HHAT: variants seen among roughly 807,000 people sequenced by gnomAD.
HHAT encodes hedgehog acyltransferase.
HHAT carries 47 observed loss-of-function variants against 70.8 expected under a neutral mutation model. The observed-to-expected ratio is 0.66, with a 90% CI of 0.53 to 0.85. HHAT has a LOEUF of 0.85. Among genes scored for constraint, HHAT ranks in the 40% least tolerant of loss-of-function variants. HHAT has a pLI of 0.00. For synonymous variants in HHAT, 228 were observed against 247.6 expected (o/e 0.92, Z 0.74); for missense variants, 609 against 604.8 (o/e 1.01, Z -0.07).
chr1:210,668,963 A>G (rs1574126346), intron 11 of HHAT, among the ~76,000 whole-genome samples: 1 of 151,960 alleles, frequency 6.6e-6, no homozygotes, highest in South Asian at 2.1e-4. Context: ...TTAGTAGAGA[A>G]GGGGTTTCAC....
At chr1:210,505,473 C>T (rs1164704281) in intron 8 of HHAT, among the ~76,000 whole-genome samples, 3 of 152,184 alleles carry the variant, frequency 2.0e-5, no homozygotes, top group Non-Finnish European at 2.9e-5. Flanking sequence ...ATTCCTTATT[C>T]TCTGCTTCCG....
chr1:210,456,615 G>A (rs2093874247), intron 7 of HHAT, among the ~76,000 whole-genome samples: 1 of 152,204 alleles, frequency 6.6e-6, no homozygotes, highest in Admixed American at 6.5e-5. Flanking sequence ...CAGAGATTCA[G>A]CTTAGGATCT....
At chr1:210,633,080 C>T (rs1472094648) in intron 11 of HHAT, among the ~76,000 whole-genome samples, 1 of 152,166 alleles carries the variant, frequency 6.6e-6, no homozygotes, top group Non-Finnish European at 1.5e-5. Context: ...TTCTGTGGTT[C>T]TAAGCCACCT....
chr1:210,670,763 G>A (rs1034336465), intron 11 of HHAT, among the ~76,000 whole-genome samples: 2 of 152,190 alleles, frequency 1.3e-5, no homozygotes, highest in Non-Finnish European at 2.9e-5. Flanking sequence ...CAATTATCAA[G>A]TGGTCCTATA....
At chr1:210,488,348 C>G (rs578195706) in intron 8 of HHAT, among the ~76,000 whole-genome samples, 1 of 152,308 alleles carries the variant, frequency 6.6e-6, no homozygotes, top group South Asian at 2.1e-4. Flanking sequence ...CCCTCACTCT[C>G]CACTTTTTCT....
chr1:210,640,674 T>C (rs192359473), intron 11 of HHAT, among the ~76,000 whole-genome samples: 17 of 129,902 alleles, frequency 1.3e-4, no homozygotes, highest in Admixed American at 1.3e-3. Flanking sequence ...CGCCCCCCAC[T>C]GCCCCCCACA....
intron 1 of HHAT, among the ~76,000 whole-genome samples, chr1:210,341,332 C>T (rs1399008020): frequency 6.6e-6 from 1 of 152,132 alleles, no homozygotes; most frequent in Non-Finnish European, 1.5e-5. Flanking sequence ...TGTTGGAATC[C>T]ATTAGTTGCC....
chr1:210,396,820 G>GA (rs1309239440), intron 4 of HHAT, among the ~76,000 whole-genome samples: 2 of 152,152 alleles, frequency 1.3e-5, no homozygotes, highest in African/African-American at 4.8e-5. Context: ...TACGCTGAGT[G>GA]AAAAAAGCCA....
At chr1:210,484,736 T>C (rs2094449226) in intron 8 of HHAT, among the ~76,000 whole-genome samples, 1 of 152,180 alleles carries the variant, frequency 6.6e-6, no homozygotes, top group African/African-American at 2.4e-5. Context: ...ATATTTATTT[T>C]CTATATGGAT....
intron 11 of HHAT, among the ~76,000 whole-genome samples, chr1:210,649,541 A>G (rs1452687053): frequency 6.6e-6 from 1 of 152,232 alleles, no homozygotes; most frequent in Non-Finnish European, 1.5e-5. Flanking sequence ...AGAGTAATGC[A>G]GTATTGCTCC....
chr1:210,630,202 G>T (rs1371540845), intron 11 of HHAT, among the ~76,000 whole-genome samples: 2 of 152,152 alleles, frequency 1.3e-5, no homozygotes, highest in Non-Finnish European at 2.9e-5. Flanking sequence ...GGATAGTCCA[G>T]AGTAATCTCC....
chr1:210,491,195 CCT>C (rs2094547367), intron 8 of HHAT, among the ~76,000 whole-genome samples: 1 of 152,066 alleles, frequency 6.6e-6, no homozygotes, highest in Admixed American at 6.6e-5. Context: ...CTGATTCAAG[CCT>C]CTCAAGCTGA....
chr1:210,363,451 C>T (rs1229774047), intron 3 of HHAT, among the ~76,000 whole-genome samples: 3 of 152,194 alleles, frequency 2.0e-5, no homozygotes, highest in Admixed American at 6.5e-5. Flanking sequence ...TTCACATACC[C>T]ATGTCTTTCT....
Position 210,418,298 on chromosome 1 carries a change from C to A in HHAT, c.829C>A (p.Leu277Met). ...MHAIYSSIPL[L>M]ETVSCWTLGG... ...TGCCATCTACAGCAGCATCCCCCTC[C>A]TGGAGACTGTCTCTTGTTGGACCTT... The change falls in exon 7 of 12, where the codon CTG becomes ATG. Residue 277 changes from leucine to methionine, a missense_variant. Leu to Met is a conservative substitution (Grantham distance 15, BLOSUM62 2). Transcript: ENST00000261458. 6.2e-7 allele frequency: 1 copy of A among 1,604,310 alleles called. No individual in the cohort carries two copies. Among genetic ancestry groups the A allele is most frequent in the Non-Finnish European group, 8.5e-7 (1 of 1,174,738 alleles).
At chr1:210,579,252 A>G (rs1001749819) in intron 9 of HHAT, among the ~76,000 whole-genome samples, 4 of 152,162 alleles carry the variant, frequency 2.6e-5, no homozygotes, top group South Asian at 2.1e-4. Flanking sequence ...GAGTTTACCT[A>G]TATAACAACC....
chr1:210,567,661 G>T (rs17016497), intron 9 of HHAT, among the ~76,000 whole-genome samples: 164 of 151,732 alleles, frequency 1.1e-3, no homozygotes, highest in African/African-American at 3.8e-3. Flanking sequence ...TTAGATCATC[G>T]TGTACAATCC....
At chr1:210,332,126 C>T (rs2085045313) in intron 1 of HHAT, among the ~76,000 whole-genome samples, 1 of 152,208 alleles carries the variant, frequency 6.6e-6, no homozygotes, top group Admixed American at 6.5e-5. Context: ...CTAGCCAACA[C>T]TTCTCTATGG....
intron 9 of HHAT, among the ~76,000 whole-genome samples, chr1:210,585,052 A>G (rs994830275): frequency 4.6e-5 from 7 of 152,232 alleles, no homozygotes; most frequent in African/African-American, 1.4e-4. Context: ...TGAAACTGCT[A>G]CATTCTCACA....
At chr1:210,633,954 C>A (rs1671369454) in intron 11 of HHAT, among the ~76,000 whole-genome samples, 1 of 152,100 alleles carries the variant, frequency 6.6e-6, no homozygotes, top group South Asian at 2.1e-4. Flanking sequence ...CTACTTAGGT[C>A]TCCAGACAGC....
Sources: allele counts gnomAD v4.1 joint callset (sites outside exome capture counted in the v4.1 genomes callset), GRCh38; gene constraint gnomAD v4.1.1; transcripts MANE v1.5; gene names NCBI Gene and HGNC (gene_info 2026-07-23, HGNC 2026-07-21).